Variants in NME7 observed in about 807,000 individuals in gnomAD.
NME7 encodes NME/NM23 family member 7.
In NME7, 41 loss-of-function variants were observed where a neutral mutation model predicts 49.1. That is an observed-to-expected ratio of 0.83 (90% CI 0.65 to 1.08). The LOEUF is 1.08. NME7 is among the 50% of genes least tolerant of loss of function. The probability of loss-of-function intolerance (pLI) is 0.00; values close to 1 mark genes in which losing one functional copy is unlikely to be tolerated. For missense variants in NME7, 423 were observed against 463.4 expected (o/e 0.91, Z 0.80); for synonymous variants, 139 against 150.6 (o/e 0.92, Z 0.56).
Position 169,269,935 on chromosome 1 carries a change from A to C in NME7, c.754+17368T>G, listed in dbSNP as rs148527399. On this transcript the variant is annotated intron_variant, in intron 7 of 11. Coordinates refer to ENST00000367811, the MANE Select transcript of NME7 (RefSeq NM_013330.5). ...ATTTCCAATTTATTTATTTTTCTCT[A>C]TCTCTCTCTCTTTTTAATATAGACA... is the stretch of plus-strand genomic sequence containing the variant. Among the ~76,000 whole-genome samples, 35 of 132,982 alleles carry C rather than the reference A, an allele frequency of 2.6e-4. 8 individuals are homozygous for C. Among genetic ancestry groups the C allele is most frequent in the East Asian group, 6.0e-4 (3 of 5,010 alleles). The allele number at this position is 132,982 out of a possible 152,430, so 87.2% of individuals were successfully genotyped here.
chr1:169,255,504 T>C (rs1648887757), intron 7 of NME7, among the ~76,000 whole-genome samples: 1 of 124,490 alleles, frequency 8.0e-6, no homozygotes, highest in Non-Finnish European at 1.8e-5. Flanking sequence ...TGATGGGTCT[T>C]GACTCTTTAT....
chr1:169,138,116 G>A (rs1571236124), intron 11 of NME7, among the ~76,000 whole-genome samples: 1 of 151,946 alleles, frequency 6.6e-6, no homozygotes, highest in East Asian at 1.9e-4. Context: ...TTTGAGACCA[G>A]CCTGGCCAAC....
chr1:169,234,667 G>A (rs1428279590), intron 9 of NME7, among the ~76,000 whole-genome samples: 5 of 152,046 alleles, frequency 3.3e-5, no homozygotes, highest in Middle Eastern at 3.4e-3. Context: ...ATAAATTGTC[G>A]ATGGTCATAT....
chr1:169,355,321 TATATA>T (rs1293068449), intron 1 of NME7, among the ~76,000 whole-genome samples: 1 of 108,104 alleles, frequency 9.3e-6, no homozygotes, highest in South Asian at 2.5e-4. Flanking sequence ...TTGTATATTA[TATATA>T]ATATATTGTA....
chr1:169,275,322 T>C (rs1484355515), intron 7 of NME7, among the ~76,000 whole-genome samples: 4 of 128,312 alleles, frequency 3.1e-5, no homozygotes, highest in African/African-American at 1.0e-4. Flanking sequence ...CTAAAAAAAA[T>C]ACAAAAATTA....
chr1:169,284,322 T>C (rs1650172612), intron 7 of NME7: 3 of 152,098 alleles, frequency 2.0e-5, no homozygotes, highest in African/African-American at 7.2e-5. Context: ...CTTCTCTGCA[T>C]TGGTTATTCT....
intron 10 of NME7, among the ~76,000 whole-genome samples, chr1:169,217,976 G>A (rs1002611613): frequency 6.6e-6 from 1 of 152,006 alleles, no homozygotes; most frequent in African/African-American, 2.4e-5. Context: ...ACCACCCAAA[G>A]CTTTAATATG....
intron 6 of NME7, among the ~76,000 whole-genome samples, chr1:169,297,343 T>C (rs1233131777): frequency 6.6e-6 from 1 of 152,178 alleles, no homozygotes; most frequent in Admixed American, 6.5e-5. Context: ...ATCAGTCCTT[T>C]GTTCAAAACC....
At chr1:169,208,457 G>A (rs555229887) in intron 10 of NME7, among the ~76,000 whole-genome samples, 3 of 152,098 alleles carry the variant, frequency 2.0e-5, no homozygotes, top group African/African-American at 4.8e-5. Context: ...AACATGTCAG[G>A]AACCTTTAGA....
At chr1:169,352,041 G>A (rs2101976664) in intron 1 of NME7, among the ~76,000 whole-genome samples, 1 of 151,962 alleles carries the variant, frequency 6.6e-6, no homozygotes, top group African/African-American at 2.4e-5. Flanking sequence ...AAAAAATAGA[G>A]GAAGAGGTAA....
chr1:169,199,449 T>TA (rs1284996073), intron 10 of NME7, among the ~76,000 whole-genome samples: 504 of 49,354 alleles, frequency 0.01, 1 homozygote, highest in African/African-American at 0.015. Context: ...CCAGGGTCTT[T>TA]TTTATTATTA....
intron 6 of NME7, among the ~76,000 whole-genome samples, chr1:169,291,961 G>C (rs1650524715): frequency 6.6e-6 from 1 of 151,898 alleles, no homozygotes; most frequent in Non-Finnish European, 1.5e-5. Context: ...CCACTGTGGT[G>C]GTCTGAACCA....
intron 11 of NME7, among the ~76,000 whole-genome samples, chr1:169,138,311 AAAAT>A (rs1336036753): frequency 1.5e-4 from 22 of 151,634 alleles, no homozygotes; most frequent in African/African-American, 3.4e-4. Context: ...ACTCCTCAAA[AAAAT>A]AAATAAATAA....
At chr1:169,342,640 ATATATATACAAGTACATATATATATAG>A in intron 1 of NME7, among the ~76,000 whole-genome samples, 1 of 46,524 alleles carries the variant, frequency 2.1e-5, no homozygotes, top group Non-Finnish European at 3.6e-5. Flanking sequence ...TATATAGTAT[ATATATATACAAGTACATATATATATAG>A]TATATATATA....
intron 1 of NME7, among the ~76,000 whole-genome samples, chr1:169,334,643 A>T (rs1282039702): frequency 6.6e-6 from 1 of 152,230 alleles, no homozygotes; most frequent in Non-Finnish European, 1.5e-5. Context: ...CATTCAGGAC[A>T]TAGGAATGGG....
rs191595697 is a variant in NME7, at chr1:169,275,222, T to A, written c.754+12081A>T. On this transcript the variant is annotated intron_variant, in intron 7 of 11. Transcript: ENST00000367811. The stretch of plus-strand genomic sequence containing the variant: ...GGATTCCTACGTATTTTATTCTCTT[T>A]GAAGCAATTGTGAATGGGAGCTCAC... Among the ~76,000 whole-genome samples, 21 of 131,746 alleles carry A rather than the reference T, an allele frequency of 1.6e-4. 3 individuals are homozygous for A. Among genetic ancestry groups the A allele is most frequent in the Admixed American group, 1.6e-3 (21 of 13,278 alleles). The allele number at this position is 131,746 out of a possible 152,430, so 86.4% of individuals were successfully genotyped here. A position where few individuals can be genotyped will look rare whatever the true frequency, so the allele number is the denominator to read the frequency against.
Position 169,162,857 on chromosome 1 carries a change from A to T in NME7, c.1098+6590T>A, listed in dbSNP as rs566744629. 3.9e-5 allele frequency among the ~76,000 whole-genome samples: 6 copies of T among 152,246 alleles called. No individual in the cohort carries two copies. The South Asian group carries it at 1.2e-3, about 32-fold the overall frequency. On this transcript the variant is annotated intron_variant, in intron 11 of 11. Transcript: ENST00000367811. ...TTGTCTCAAAATAATAATAATAATA[A>T]AAGTACCTAAATGAATGATTGACCT...
At chr1:169,275,692 A>G (rs1187692664) in intron 7 of NME7, among the ~76,000 whole-genome samples, 1 of 129,418 alleles carries the variant, frequency 7.7e-6, no homozygotes, top group Non-Finnish European at 1.8e-5. Flanking sequence ...TCTCCTGCCT[A>G]ATTGCCCTGG....
intron 1 of NME7, among the ~76,000 whole-genome samples, chr1:169,347,930 T>C (rs1653003828): frequency 1.3e-5 from 2 of 152,220 alleles, no homozygotes; most frequent in Non-Finnish European, 2.9e-5. Context: ...GTATGTCATA[T>C]ACCAAATGCT....
Sources: gnomAD v4.1 joint callset for allele counts (sites outside exome capture counted in the v4.1 genomes callset) on GRCh38, gnomAD v4.1.1 for gene constraint, MANE v1.5 for transcripts, NCBI Gene and HGNC (gene_info 2026-07-23, HGNC 2026-07-21) for gene names.